ATR: variants seen among roughly 807,000 people sequenced by gnomAD.
ATR encodes the protein serine/threonine-protein kinase ATR.
Under a neutral mutation model 305.3 loss-of-function variants are expected in ATR, and 142 were observed. That is an observed-to-expected ratio of 0.47 (90% CI 0.41 to 0.53). ATR has a LOEUF of 0.53. Ranked by LOEUF, ATR falls within the 20% of genes least tolerant of loss-of-function variation. The probability of loss-of-function intolerance (pLI) is 0.00; values close to 1 mark genes in which losing one functional copy is unlikely to be tolerated. For synonymous variants in ATR, 1,050 were observed against 1,068.1 expected (o/e 0.98, Z 0.33); for missense variants, 2,135 against 3,133.1 (o/e 0.68, Z 7.60).
chr3:142,511,916 C>G (rs1480550681), intron 27 of ATR, among the ~76,000 whole-genome samples: 1 of 151,902 alleles, frequency 6.6e-6, no homozygotes, highest in Non-Finnish European at 1.5e-5. Flanking sequence ...GAGTTCGAGA[C>G]CAGTCTGGCC....
In ATR at chr3:142,556,523, T is replaced by G. The variant is rs746275899; in HGVS notation, c.1938A>C (p.Arg646Ser). 1 of 1,613,968 alleles carries G rather than the reference T, an allele frequency of 6.2e-7. No individual in the cohort carries two copies. The change falls in exon 9 of 47, where the codon AGA becomes AGC. Residue 646 changes from arginine (R) to serine (S), a missense_variant. Physicochemically the swap from Arg to Ser is moderately radical, Grantham distance 110 (BLOSUM62 -1). Coordinates refer to ENST00000350721, the MANE Select transcript of ATR (RefSeq NM_001184.4). ...CVFLLTLFPR[R>S]IFLEWRTAVY... Reference sequence around the variant, plus strand: ...CTGCTGTTCTCCACTCAAGGAATATTCTTCTTGGAAACAGAGTCAGAAGAA... The same window carrying G: ...CTGCTGTTCTCCACTCAAGGAATATGCTTCTTGGAAACAGAGTCAGAAGAA...
chr3:142,511,014 T>C (rs1202780557), intron 27 of ATR, among the ~76,000 whole-genome samples: 1 of 152,142 alleles, frequency 6.6e-6, no homozygotes, highest in Non-Finnish European at 1.5e-5. Flanking sequence ...ATACTAAGCA[T>C]ATCTGGACAG....
intron 16 of ATR, among the ~76,000 whole-genome samples, chr3:142,543,545 G>GTTCC (rs201254335): frequency 4.6e-5 from 6 of 130,782 alleles, no homozygotes; most frequent in African/African-American, 1.7e-4. Flanking sequence ...CTTAAACAGG[G>GTTCC]TTCCTTCCTT....
At chr3:142,574,244 C>T (rs2035365336) in intron 1 of ATR, among the ~76,000 whole-genome samples, 1 of 151,948 alleles carries the variant, frequency 6.6e-6, no homozygotes. Flanking sequence ...GTGGGCGGAT[C>T]ACTTGAGCCC....
chr3:142,495,012 T>G (rs1313934042), intron 34 of ATR, among the ~76,000 whole-genome samples: 1 of 152,128 alleles, frequency 6.6e-6, no homozygotes, highest in African/African-American at 2.4e-5. Context: ...GAACAAAGAT[T>G]TAGTCTCCAG....
Position 142,467,974 on chromosome 3 carries a change from G to A in ATR, c.6647C>T (p.Thr2216Ile), listed in dbSNP as rs1377176683. The change falls in exon 39 of 47, where the codon ACT becomes ATT. Residue 2216 changes from threonine (T) to isoleucine (I), a missense_variant. Physicochemically the swap from Thr to Ile is moderately conservative, Grantham distance 89 (BLOSUM62 -1). Transcript: ENST00000350721. ...TTCTAGAAGCTTATCTGTTAGGCGAGTTGCATCTCCAACAAACTTCTCTAA... is the reference window on the plus strand; with the variant it reads ...TTCTAGAAGCTTATCTGTTAGGCGAATTGCATCTCCAACAAACTTCTCTAA... ...KSLEKFVGDA[T>I]RLTDKLLELC... The A allele has an allele frequency of 5.6e-6, 9 of 1,612,940 alleles. No homozygotes were observed. Among genetic ancestry groups the A allele is most frequent in the South Asian group, 1.1e-5 (1 of 91,050 alleles).
chr3:142,564,420 G>A (rs959809950), intron 3 of ATR, among the ~76,000 whole-genome samples: 5 of 152,158 alleles, frequency 3.3e-5, no homozygotes, highest in African/African-American at 1.2e-4. Flanking sequence ...TGCTATCTAT[G>A]TTATGGGTTA....
At chr3:142,457,859 C>A in intron 44 of ATR, 104 bp from the exon 45 acceptor site, 1 of 1,255,212 alleles carries the variant, frequency 8.0e-7, no homozygotes, top group South Asian at 1.3e-5. Context: ...GCAAAAATAC[C>A]CTCAAAATAT....
At chr3:142,454,061 C>G (rs1007207689) in intron 45 of ATR, among the ~76,000 whole-genome samples, 1 of 152,144 alleles carries the variant, frequency 6.6e-6, no homozygotes, top group African/African-American at 2.4e-5. Context: ...GCTCTGCAGG[C>G]AAAGTTATAA....
At chr3:142,542,580 T>C (rs1248761586) in intron 17 of ATR, 85 bp downstream of exon 17, 3 of 1,215,522 alleles carry the variant, frequency 2.5e-6, no homozygotes, top group Non-Finnish European at 1.2e-6. Context: ...TTATTTCTCA[T>C]CTTTGAATGT....
At chr3:142,566,726 T>C (rs551903200) in intron 2 of ATR, among the ~76,000 whole-genome samples, 136 of 151,722 alleles carry the variant, frequency 9.0e-4, no homozygotes, top group African/African-American at 3.2e-3. Flanking sequence ...TCAAGCTAAA[T>C]TGATGGGGCT....
At chr3:142,539,823 T>A (rs2033984661) in intron 18 of ATR, among the ~76,000 whole-genome samples, 1 of 152,118 alleles carries the variant, frequency 6.6e-6, no homozygotes, top group Non-Finnish European at 1.5e-5. Context: ...GAAGGAATAA[T>A]AAAATTAGAA....
chr3:142,466,314 T>G lies in ATR; in HGVS notation c.6897+10A>C. On this transcript the variant is annotated intron_variant, in intron 40 of 46. Coordinates refer to ENST00000350721, the MANE Select transcript of ATR (RefSeq NM_001184.4). ...TTTTAAAATCATAGTCATATAAAAC[T>G]GAAGTTTACCATATCATCAAACCCT... 6.2e-7 allele frequency: 1 copy of G among 1,608,552 alleles called. No homozygotes were observed. Among genetic ancestry groups the G allele is most frequent in the African/African-American group, 1.3e-5 (1 of 74,914 alleles).
intron 21 of ATR, among the ~76,000 whole-genome samples, chr3:142,527,167 A>C (rs533166109): frequency 6.6e-6 from 1 of 152,150 alleles, no homozygotes; most frequent in Non-Finnish European, 1.5e-5. Flanking sequence ...TTAATATGAT[A>C]ATCTTTAATT....
chr3:142,485,752 C>T (rs1020784967), intron 35 of ATR, among the ~76,000 whole-genome samples: 1 of 152,012 alleles, frequency 6.6e-6, no homozygotes, highest in Admixed American at 6.6e-5. Flanking sequence ...ATAAAAATCA[C>T]ATATTTTGTT....
intron 34 of ATR, among the ~76,000 whole-genome samples, chr3:142,495,790 G>A (rs2031553707): frequency 6.6e-6 from 1 of 151,702 alleles, no homozygotes; most frequent in South Asian, 2.1e-4. Flanking sequence ...ATAAATCTGG[G>A]TCATAAACCT....
At chr3:142,528,879 ATTTTT>A (rs1170239080) in intron 21 of ATR, among the ~76,000 whole-genome samples, 9 of 30,484 alleles carry the variant, frequency 3.0e-4, no homozygotes, top group African/African-American at 2.0e-3. Flanking sequence ...ATATATATAT[ATTTTT>A]TTTTTTTTTT....
At chr3:142,458,833 A>G in intron 44 of ATR, 125 bp downstream of exon 44, 1 of 1,161,726 alleles carries the variant, frequency 8.6e-7, no homozygotes, top group Non-Finnish European at 1.2e-6. Flanking sequence ...ACTAGTCAAC[A>G]AATTCTCAGT....
chr3:142,548,123 C>T (rs1474929183), intron 15 of ATR, among the ~76,000 whole-genome samples: 3 of 152,092 alleles, frequency 2.0e-5, no homozygotes, highest in Non-Finnish European at 4.4e-5. Context: ...GAGAAGTGAT[C>T]CAACTTTATT....
Sources: allele counts gnomAD v4.1 joint callset (sites outside exome capture counted in the v4.1 genomes callset), GRCh38; gene constraint gnomAD v4.1.1; transcripts MANE v1.5; gene names NCBI Gene and HGNC (gene_info 2026-07-23, HGNC 2026-07-21).